The following NAALADL2 variants were observed in gnomAD, a reference collection of about 807,000 sequenced individuals.
The protein encoded by NAALADL2 is inactive N-acetylated-alpha-linked acidic dipeptidase-like protein 2.
A neutral mutation model predicts 87.2 loss-of-function variants in NAALADL2; 76 were observed. That is an observed-to-expected ratio of 0.87 (90% confidence interval 0.72 to 1.05). NAALADL2 has a LOEUF of 1.05. Ranked by LOEUF, NAALADL2 falls within the 50% of genes least tolerant of loss-of-function variation. NAALADL2 has a pLI of 0.00. For synonymous variants in NAALADL2, 354 were observed against 331.0 expected (o/e 1.07, Z -0.75); for missense variants, 1,089 against 945.8 (o/e 1.15, Z -1.99).
chr3:175,700,782 G>A (rs1463054881), intron 11 of NAALADL2, among the ~76,000 whole-genome samples: 1 of 151,926 alleles, frequency 6.6e-6, no homozygotes, highest in East Asian at 1.9e-4. Context: ...TTTATATTAA[G>A]TTAAATTATA....
intron 2 of NAALADL2, among the ~76,000 whole-genome samples, chr3:174,714,500 T>G (rs1157057932): frequency 1.3e-5 from 2 of 152,200 alleles, no homozygotes; most frequent in Non-Finnish European, 1.5e-5. Context: ...GTAGTTCTCC[T>G]TGAAGAGGTC....
intron 9 of NAALADL2, among the ~76,000 whole-genome samples, chr3:175,489,387 A>G (rs1212355946): frequency 3.9e-5 from 6 of 152,320 alleles, no homozygotes; most frequent in African/African-American, 1.4e-4. Context: ...TATAGAATGA[A>G]GCCTGTTCTC....
chr3:175,528,913 C>G (rs1025496011), intron 9 of NAALADL2, among the ~76,000 whole-genome samples: 1 of 152,174 alleles, frequency 6.6e-6, no homozygotes, highest in Non-Finnish European at 1.5e-5. Context: ...CATCTGGTCA[C>G]GTGGTTGTAG....
At position 175,356,609 on chromosome 3, in the gene NAALADL2, T is replaced by TAATAATAAA. The variant is rs1553872598; in HGVS notation, c.1090+32286_1090+32287insTAATAAAAA. 3.8e-4 allele frequency among the ~76,000 whole-genome samples: 51 copies of TAATAATAAA among 132,916 alleles called. 1 individual carries two copies. The highest frequency in any genetic ancestry group is 2.6e-3 in the South Asian group (12 of 4,558). 87.2% of individuals were successfully genotyped at this position (132,916 alleles called of 152,430 possible). A position where few individuals can be genotyped will look rare whatever the true frequency, so the allele number is the denominator to read the frequency against. On this transcript the variant is annotated intron_variant, in intron 5 of 13. Transcript: ENST00000454872. Reference sequence around the variant, plus strand: ...ATAATAATAATAATAATAATAATAATAAAGAAATAAAAGAAAATACCATTG... The same window carrying TAATAATAAA: ...ATAATAATAATAATAATAATAATAATAATAATAAAAAAGAAATAAAAGAAAATACCATTG...
chr3:175,292,593 T>TACACACAC (rs71164627), intron 4 of NAALADL2, among the ~76,000 whole-genome samples: 4,766 of 145,298 alleles, frequency 0.033, 161 homozygotes, highest in African/African-American at 0.089. Context: ...TGAGTTGGGA[T>TACACACAC]ACACACACAC....
Position 174,952,279 on chromosome 3 carries a change from A to G in NAALADL2, c.43+92829A>G, listed in dbSNP as rs141387710. On this transcript the variant is annotated intron_variant, in intron 1 of 13. Coordinates refer to ENST00000454872, the MANE Select transcript of NAALADL2 (RefSeq NM_207015.3). ...ATCTTCAGCACTCAGCACTTAGTAA[A>G]TATCCAATACATATTTGTCTCACAG... 7.2e-3 allele frequency among the ~76,000 whole-genome samples: 1,101 copies of G among 152,248 alleles called. 13 individuals carry two copies. The highest frequency in any genetic ancestry group is 0.026 in the African/African-American group (1,064 of 41,558).
At chr3:175,305,620 T>A (rs1377718536) in intron 4 of NAALADL2, among the ~76,000 whole-genome samples, 1 of 152,090 alleles carries the variant, frequency 6.6e-6, no homozygotes, top group Non-Finnish European at 1.5e-5. Flanking sequence ...CCTCCTCGGT[T>A]CAAGTGATTC....
chr3:175,329,411 A>G (rs1761131907), intron 5 of NAALADL2, among the ~76,000 whole-genome samples: 1 of 152,210 alleles, frequency 6.6e-6, no homozygotes, highest in African/African-American at 2.4e-5. Flanking sequence ...AACTATTCAA[A>G]GAATAAAGAA....
intron 1 of NAALADL2, among the ~76,000 whole-genome samples, chr3:175,047,765 C>T (rs1754862346): frequency 2.0e-5 from 3 of 152,126 alleles, no homozygotes; most frequent in Admixed American, 6.5e-5. Context: ...ATTATTAAAA[C>T]ATACATGAAA....
chr3:175,388,709 T>C (rs966397101), intron 5 of NAALADL2, among the ~76,000 whole-genome samples: 1 of 152,110 alleles, frequency 6.6e-6, no homozygotes, highest in African/African-American at 2.4e-5. Flanking sequence ...ATATTACTCA[T>C]ATAAATTTTG....
intron 11 of NAALADL2, among the ~76,000 whole-genome samples, chr3:175,664,333 T>G (rs1469941916): frequency 2.0e-5 from 3 of 152,130 alleles, no homozygotes; most frequent in African/African-American, 7.2e-5. Flanking sequence ...ATGAGTTATT[T>G]CCTTGAATAT....
chr3:175,593,634 A>G (rs1721843552), intron 10 of NAALADL2, among the ~76,000 whole-genome samples: 1 of 152,120 alleles, frequency 6.6e-6, no homozygotes, highest in Non-Finnish European at 1.5e-5. Context: ...CTTTGCTTTT[A>G]GCTTTTTGTG....
At chr3:175,472,979 T>C (rs748666801) in intron 9 of NAALADL2, among the ~76,000 whole-genome samples, 2 of 152,148 alleles carry the variant, frequency 1.3e-5, no homozygotes, top group Non-Finnish European at 2.9e-5. Context: ...TGATCTCAAG[T>C]ATCCAGAAAT....
chr3:174,518,886 T>C (rs1473941256), intron 1 of NAALADL2, among the ~76,000 whole-genome samples: 1 of 152,202 alleles, frequency 6.6e-6, no homozygotes, highest in Non-Finnish European at 1.5e-5. Flanking sequence ...CAGAAGTAGT[T>C]GCACTCACAT....
intron 3 of NAALADL2, among the ~76,000 whole-genome samples, chr3:174,803,075 A>C (rs1719028318): frequency 6.6e-6 from 1 of 152,110 alleles, no homozygotes; most frequent in African/African-American, 2.4e-5. Context: ...CAATGGTTGA[A>C]CTACTTTACG....
At chr3:174,972,316 G>T (rs1239797750) in intron 1 of NAALADL2, among the ~76,000 whole-genome samples, 4 of 152,110 alleles carry the variant, frequency 2.6e-5, no homozygotes, top group Non-Finnish European at 2.9e-5. Context: ...TGCTAATGCT[G>T]CCATAACAAA....
chr3:174,681,087 C>T (rs904452301), intron 2 of NAALADL2, among the ~76,000 whole-genome samples: 1 of 152,090 alleles, frequency 6.6e-6, no homozygotes, highest in Non-Finnish European at 1.5e-5. Flanking sequence ...TGCCCTGTCA[C>T]AGCAGAAAGA....
chr3:174,822,913 A>G (rs542838848), intron 3 of NAALADL2, among the ~76,000 whole-genome samples: 1 of 152,256 alleles, frequency 6.6e-6, no homozygotes, highest in African/African-American at 2.4e-5. Flanking sequence ...TTTTTTATCT[A>G]TTTGCAATAG....
chr3:175,460,397 A>G (rs1722935452), intron 6 of NAALADL2, among the ~76,000 whole-genome samples: 1 of 152,182 alleles, frequency 6.6e-6, no homozygotes. Context: ...TAAATATGTC[A>G]TTATTTTGAC....
Sources: allele counts gnomAD v4.1 joint callset (sites outside exome capture counted in the v4.1 genomes callset), GRCh38; gene constraint gnomAD v4.1.1; transcripts MANE v1.5; gene names NCBI Gene and HGNC (gene_info 2026-07-23, HGNC 2026-07-21).